CAMK2D: variants seen among roughly 807,000 people sequenced by gnomAD.
CAMK2D encodes the protein calcium/calmodulin dependent protein kinase II delta.
Under a neutral mutation model 84.0 loss-of-function variants are expected in CAMK2D, and 37 were observed. The observed-to-expected ratio is 0.44, with a 90% CI of 0.34 to 0.58. The LOEUF is 0.58. Ranked by LOEUF, CAMK2D falls within the 20% of genes least tolerant of loss-of-function variation. The pLI is 0.02. For missense variants in CAMK2D, 448 were observed against 652.5 expected (o/e 0.69, Z 3.41); for synonymous variants, 202 against 212.5 (o/e 0.95, Z 0.43).
At chr4:113,746,992 A>G (rs2099605723) in intron 2 of CAMK2D, among the ~76,000 whole-genome samples, 2 of 150,236 alleles carry the variant, frequency 1.3e-5, no homozygotes, top group Admixed American at 1.3e-4. Flanking sequence ...ATATATATAT[A>G]TACATTGAGT....
At chr4:113,648,334 T>A (rs1038449184) in intron 3 of CAMK2D, among the ~76,000 whole-genome samples, 2 of 152,206 alleles carry the variant, frequency 1.3e-5, no homozygotes, top group South Asian at 2.1e-4. Context: ...TTAAAAGAAG[T>A]CAAATTTTTA....
intron 2 of CAMK2D, among the ~76,000 whole-genome samples, chr4:113,713,128 A>C (rs2099499403): frequency 6.6e-6 from 1 of 152,118 alleles, no homozygotes; most frequent in African/African-American, 2.4e-5. Context: ...GCATTACCCT[A>C]CTGAGGAGAT....
At chr4:113,611,231 T>C (rs1401913542) in intron 3 of CAMK2D, among the ~76,000 whole-genome samples, 2 of 152,186 alleles carry the variant, frequency 1.3e-5, no homozygotes, top group Non-Finnish European at 2.9e-5. Flanking sequence ...TTTGGTTTGA[T>C]GGTGCATCTT....
intron 4 of CAMK2D, among the ~76,000 whole-genome samples, chr4:113,596,977 G>T (rs780836821): frequency 5.3e-5 from 8 of 151,962 alleles, no homozygotes; most frequent in Non-Finnish European, 8.8e-5. Context: ...TCACCACCAG[G>T]CTGGCTAATT....
At position 113,500,523 on chromosome 4, in the gene CAMK2D, A is replaced by T. The variant is rs759885768; in HGVS notation, c.1087-12T>A. 6.3e-7 allele frequency: 1 copy of T among 1,581,054 alleles called. No individual in the cohort carries two copies. Among genetic ancestry groups the T allele is most frequent in the South Asian group, 1.1e-5 (1 of 88,888 alleles). On this transcript the variant is annotated splice_polypyrimidine_tract_variant and intron_variant, in intron 15 of 20. Coordinates refer to ENST00000511664, the MANE Select transcript of CAMK2D (RefSeq NM_001321571.2). ...CTCTCAGTTGACTCCTGATGAGAAG[A>T]AAACACATTTTTAGGTTGCACGCAA... is the stretch of plus-strand genomic sequence containing the variant.
At position 113,545,447 on chromosome 4, in the gene CAMK2D, A is replaced by T. The variant is rs185804201; in HGVS notation, c.414+2197T>A. ...AAAATAAATAGCATAGGAATAGTAA[A>T]GGCAAGTTTTTGTTTAAGGCCTGGT... On this transcript the variant is annotated intron_variant, in intron 6 of 20. Transcript: ENST00000511664. Among the ~76,000 whole-genome samples, 7 of 152,326 alleles carry T rather than the reference A, an allele frequency of 4.6e-5. No individual in the cohort carries two copies. In the East Asian group the frequency reaches 1.3e-3, roughly 29 times the overall value.
At chr4:113,640,475 A>AT (rs750165521) in intron 3 of CAMK2D, among the ~76,000 whole-genome samples, 12 of 152,136 alleles carry the variant, frequency 7.9e-5, no homozygotes, top group Non-Finnish European at 1.5e-4. Flanking sequence ...TACAAGACAG[A>AT]CTCAATCCCC....
chr4:113,541,605 A>G (rs2098530323), intron 6 of CAMK2D, among the ~76,000 whole-genome samples: 1 of 152,124 alleles, frequency 6.6e-6, no homozygotes, highest in Admixed American at 6.5e-5. Flanking sequence ...TTGTTTTTAA[A>G]TTTTTGAATA....
intron 2 of CAMK2D, among the ~76,000 whole-genome samples, chr4:113,729,334 G>C (rs2099555640): frequency 6.6e-6 from 1 of 152,102 alleles, no homozygotes. Context: ...TTCTCACCAT[G>C]AGCCGGAGGA....
intron 2 of CAMK2D, among the ~76,000 whole-genome samples, chr4:113,668,729 G>A (rs1445067493): frequency 2.6e-5 from 4 of 151,736 alleles, no homozygotes; most frequent in East Asian, 3.9e-4. Flanking sequence ...AGTAAAATAC[G>A]GACAAAAACT....
chr4:113,567,318 CCA>C (rs545907188), intron 4 of CAMK2D, among the ~76,000 whole-genome samples: 57 of 152,126 alleles, frequency 3.7e-4, no homozygotes, highest in African/African-American at 1.4e-3. Flanking sequence ...CAGGCACCCG[CCA>C]CCAAGCCTGG....
chr4:113,640,495 G>C (rs17593058), intron 3 of CAMK2D, among the ~76,000 whole-genome samples: 13,166 of 152,158 alleles, frequency 0.087, 633 homozygotes, highest in Middle Eastern at 0.2. Context: ...CATCCTCAGA[G>C]AGCTTACTAT....
chr4:113,709,758 T>TATATATATATATATATATAC (rs1561970351), intron 2 of CAMK2D, among the ~76,000 whole-genome samples: 2 of 111,434 alleles, frequency 1.8e-5, no homozygotes, highest in African/African-American at 8.5e-5. Flanking sequence ...TATATATATA[T>TATATATATATATATATATAC]ATATATATAT....
At chr4:113,505,293 G>C (rs926794711) in intron 13 of CAMK2D, among the ~76,000 whole-genome samples, 2 of 152,174 alleles carry the variant, frequency 1.3e-5, no homozygotes, top group Admixed American at 1.3e-4. Flanking sequence ...AGCAAACAAA[G>C]AGCTGCTTCA....
At chr4:113,646,217 C>A (rs2099151323) in intron 3 of CAMK2D, among the ~76,000 whole-genome samples, 1 of 152,148 alleles carries the variant, frequency 6.6e-6, no homozygotes, top group Non-Finnish European at 1.5e-5. Context: ...TGTTCCTCTT[C>A]AGATAATCTA....
chr4:113,604,089 A>G (rs72678757), intron 4 of CAMK2D, among the ~76,000 whole-genome samples: 17,675 of 152,120 alleles, frequency 0.12, 1,302 homozygotes, highest in East Asian at 0.19. Context: ...AATAGCTAAC[A>G]TTCCACAGGA....
At chr4:113,477,888 A>G (rs2097650498) in intron 16 of CAMK2D, among the ~76,000 whole-genome samples, 2 of 152,206 alleles carry the variant, frequency 1.3e-5, no homozygotes, top group African/African-American at 4.8e-5. Flanking sequence ...ATTCTCATTT[A>G]TTCCAACATG....
chr4:113,646,345 G>A (rs149874838), intron 3 of CAMK2D, among the ~76,000 whole-genome samples: 139 of 152,276 alleles, frequency 9.1e-4, no homozygotes, highest in African/African-American at 3.2e-3. Context: ...AACAAGAAAA[G>A]TCCATGCCCT....
chr4:113,702,557 T>C (rs1458698714), intron 2 of CAMK2D, among the ~76,000 whole-genome samples: 2 of 152,166 alleles, frequency 1.3e-5, no homozygotes, highest in African/African-American at 4.8e-5. Flanking sequence ...AAAAAATATA[T>C]AATTTTAATG....
Sources: allele counts gnomAD v4.1 joint callset (sites outside exome capture counted in the v4.1 genomes callset), GRCh38; gene constraint gnomAD v4.1.1; transcripts MANE v1.5; gene names NCBI Gene and HGNC (gene_info 2026-07-23, HGNC 2026-07-21).